PTH2R: variants seen among roughly 807,000 people sequenced by gnomAD.
PTH2R encodes PTH2 receptor.
In PTH2R, 59 loss-of-function variants were observed where a neutral mutation model predicts 60.3. The observed-to-expected ratio is 0.98, with a 90% CI of 0.79 to 1.22. The LOEUF (loss-of-function observed/expected upper bound fraction) is 1.22. Among genes scored for constraint, PTH2R ranks in the 50% most tolerant of loss-of-function variants. PTH2R has a pLI of 0.00. For synonymous variants in PTH2R, 256 were observed against 243.8 expected (o/e 1.05, Z -0.47); for missense variants, 749 against 682.6 (o/e 1.10, Z -1.08).
In PTH2R at chr2:208,450,816, GA is replaced by G. The variant is rs777485949; in HGVS notation, c.914+11del. 2 of 1,613,522 alleles carry G rather than the reference GA, an allele frequency of 1.2e-6. No individual in the cohort carries two copies. The highest frequency in any genetic ancestry group is 1.7e-6 in the Non-Finnish European group (2 of 1,179,478). On this transcript the variant is annotated splice_region_variant and intron_variant, in intron 8 of 12. Coordinates refer to ENST00000272847, the MANE Select transcript of PTH2R (RefSeq NM_005048.4). The stretch of plus-strand genomic sequence containing the variant: ...CAACTCTGGCTGATGCGAGGTGAGT[GA>G]AAAGGCAGGGGAAACGAGAGAACCT...
chr2:208,403,427 A>C (rs1171619646), upstream of PTH2R, among the ~76,000 whole-genome samples: 1 of 152,202 alleles, frequency 6.6e-6, no homozygotes, highest in Non-Finnish European at 1.5e-5. Flanking sequence ...TAATTTTAGA[A>C]AGACAAAATG....
intron 2 of PTH2R, among the ~76,000 whole-genome samples, chr2:208,435,629 A>C (rs767171260): frequency 1.3e-5 from 2 of 152,202 alleles, no homozygotes; most frequent in Non-Finnish European, 2.9e-5. Context: ...GACAGCTGTC[A>C]GCAAAGAAAT....
At chr2:208,423,895 T>C (rs1701804159) in intron 1 of PTH2R, among the ~76,000 whole-genome samples, 1 of 152,198 alleles carries the variant, frequency 6.6e-6, no homozygotes, top group South Asian at 2.1e-4. Context: ...CTGGTACTAA[T>C]ATAACTGGGG....
At chr2:208,384,251 G>A (rs1404151671) in intron 1 of PTH2R, among the ~76,000 whole-genome samples, 1 of 152,168 alleles carries the variant, frequency 6.6e-6, no homozygotes, top group African/African-American at 2.4e-5. Flanking sequence ...AGAAAGAGAC[G>A]GGGAGGACAT....
intron 1 of PTH2R, among the ~76,000 whole-genome samples, chr2:208,383,098 T>C (rs1228557245): frequency 6.6e-6 from 1 of 152,270 alleles, no homozygotes; most frequent in Non-Finnish European, 1.5e-5. Context: ...CTAAGCCTTT[T>C]ATATTAGTAA....
At chr2:208,489,831 G>A (rs1305579455) in intron 11 of PTH2R, among the ~76,000 whole-genome samples, 2 of 152,166 alleles carry the variant, frequency 1.3e-5, no homozygotes, top group East Asian at 3.8e-4. Context: ...AGCTCATTAA[G>A]TTAGGGCACA....
At chr2:208,365,533 C>T (rs970372543) in intron 1 of PTH2R, among the ~76,000 whole-genome samples, 1 of 152,074 alleles carries the variant, frequency 6.6e-6, no homozygotes, top group Non-Finnish European at 1.5e-5. Flanking sequence ...ATAAATCCCA[C>T]TTGATCATGG....
intron 4 of PTH2R, 102 bp downstream of exon 4, chr2:208,437,983 C>A: frequency 7.1e-7 from 1 of 1,400,136 alleles, no homozygotes; most frequent in Non-Finnish European, 9.9e-7. Context: ...CCTCTTATTC[C>A]ACGACACAAG....
chr2:208,423,842 G>T (rs1701803447), intron 1 of PTH2R, among the ~76,000 whole-genome samples: 1 of 152,110 alleles, frequency 6.6e-6, no homozygotes, highest in Non-Finnish European at 1.5e-5. Flanking sequence ...ATGATATAAT[G>T]TCCCTCTTTT....
In PTH2R at chr2:208,450,760, G is replaced by T. The variant is rs558522129; in HGVS notation, c.865G>T (p.Ala289Ser). Reference protein sequence around the residue: ...FILIGWGFPAAFVAAWAVARA... With the variant: ...FILIGWGFPASFVAAWAVARA... ...TTTTCTGATTTCAGGGTTTCCAGCA[G>T]CATTTGTTGCAGCATGGGCTGTGGC... The change falls in exon 8 of 13, where the codon GCA (alanine) becomes TCA (serine). Residue 289 changes from alanine (A) to serine (S), a missense_variant. Physicochemically the swap from Ala to Ser is moderately conservative, Grantham distance 99. Coordinates refer to ENST00000272847, the MANE Select transcript of PTH2R (RefSeq NM_005048.4). 1.2e-6 allele frequency: 2 copies of T among 1,613,838 alleles called. No homozygotes were observed. Among genetic ancestry groups the T allele is most frequent in the African/African-American group, 2.7e-5 (2 of 74,914 alleles).
intron 7 of PTH2R, among the ~76,000 whole-genome samples, chr2:208,448,595 C>T (rs1702337907): frequency 6.7e-6 from 1 of 150,020 alleles, no homozygotes; most frequent in African/African-American, 2.5e-5. Context: ...GATCATGCCA[C>T]TGCACTCCAG....
intron 1 of PTH2R, among the ~76,000 whole-genome samples, chr2:208,387,074 CA>C (rs1220491185): frequency 2.6e-5 from 4 of 152,060 alleles, no homozygotes; most frequent in African/African-American, 9.7e-5. Flanking sequence ...CTTTCATATA[CA>C]AAGGGATAAT....
chr2:208,398,177 AAGTT>A (rs1025255752), intron 1 of PTH2R, among the ~76,000 whole-genome samples: 2 of 152,218 alleles, frequency 1.3e-5, no homozygotes, highest in African/African-American at 4.8e-5. Flanking sequence ...TCATTAAAAA[AAGTT>A]AGTTTCTTTT....
chr2:208,379,330 G>A lies in PTH2R; in HGVS notation c.-259+19093G>A, dbSNP rs781297119. ...TAAATGTACATTTACAGAATTGAGC[G>A]TCAGAGTGTCATAGTTCTCTAATGA... On this transcript the variant is annotated intron_variant, in intron 1 of 12. Transcript: ENST00000617735. Among the ~76,000 whole-genome samples, 78 of 152,202 alleles carry A rather than the reference G, an allele frequency of 5.1e-4. 2 individuals are homozygous for A. Among genetic ancestry groups the A allele is most frequent in the East Asian group, 3.9e-4 (2 of 5,186 alleles).
chr2:208,387,226 A>G (rs927345398), intron 1 of PTH2R, among the ~76,000 whole-genome samples: 3 of 152,216 alleles, frequency 2.0e-5, no homozygotes, highest in South Asian at 2.1e-4. Flanking sequence ...TCAATAAACA[A>G]TCCATGAGAT....
intron 1 of PTH2R, among the ~76,000 whole-genome samples, chr2:208,424,737 C>T (rs954788402): frequency 4.6e-5 from 7 of 152,166 alleles, no homozygotes; most frequent in Non-Finnish European, 8.8e-5. Context: ...GAAAGTGGCT[C>T]TCAGGCTAAA....
chr2:208,482,603 A>G (rs575364790), intron 10 of PTH2R, among the ~76,000 whole-genome samples: 22 of 152,338 alleles, frequency 1.4e-4, no homozygotes, highest in African/African-American at 4.8e-4. Context: ...TCCATAACCT[A>G]TTATTAGCAA....
rs1004486832 is a variant in PTH2R, at chr2:208,489,089, C to T, written c.1154C>T (p.Ser385Phe). 1.2e-5 allele frequency: 19 copies of T among 1,614,048 alleles called. No homozygotes were observed. In the Admixed American group the frequency reaches 1.5e-4, roughly 13 times the overall value. Reference sequence around the variant, plus strand: ...ATCGTGTTCGTATGCCTGCCTCACTCCTTCACTGGGCTCGGGTGGGAGATC... The same window carrying T: ...ATCGTGTTCGTATGCCTGCCTCACTTCTTCACTGGGCTCGGGTGGGAGATC... Reference protein sequence around the residue: ...HYIVFVCLPHSFTGLGWEIRM... With the variant: ...HYIVFVCLPHFFTGLGWEIRM... Residue 385 changes from serine to phenylalanine, a missense_variant, in exon 11 of 13, where the codon TCC becomes TTC. By Grantham distance (155) the Ser-to-Phe change is radical. Coordinates refer to ENST00000272847, the MANE Select transcript of PTH2R (RefSeq NM_005048.4).
intron 8 of PTH2R, among the ~76,000 whole-genome samples, chr2:208,457,461 G>T (rs189177057): frequency 6.6e-6 from 1 of 152,304 alleles, no homozygotes; most frequent in Admixed American, 6.5e-5. Context: ...TTTGGCTGTG[G>T]TATATTCTCC....
Sources: gnomAD v4.1 joint callset for allele counts (sites outside exome capture counted in the v4.1 genomes callset) on GRCh38, gnomAD v4.1.1 for gene constraint, MANE v1.5 for transcripts, NCBI Gene and HGNC (gene_info 2026-07-23, HGNC 2026-07-21) for gene names.